The following LPIN1 variants were observed in gnomAD, a reference collection of about 807,000 sequenced individuals.
LPIN1 encodes lipin 1.
Under a neutral mutation model 107.5 loss-of-function variants are expected in LPIN1, and 71 were observed. That is an observed-to-expected ratio of 0.66 (90% CI 0.55 to 0.80). LPIN1 has a LOEUF of 0.80. Among genes scored for constraint, LPIN1 ranks in the 30% least tolerant of loss-of-function variants. The probability of loss-of-function intolerance (pLI) is 0.00; values close to 1 mark genes in which losing one functional copy is unlikely to be tolerated. For synonymous variants in LPIN1, 445 were observed against 452.6 expected (o/e 0.98, Z 0.21); for missense variants, 1,043 against 1,160.6 (o/e 0.90, Z 1.47).
At chr2:11,770,280 C>G (rs953353047) in intron 3 of LPIN1, among the ~76,000 whole-genome samples, 1 of 152,096 alleles carries the variant, frequency 6.6e-6, no homozygotes, top group South Asian at 2.1e-4. Flanking sequence ...TGGGGTGGGG[C>G]CTTGGAGGCC....
chr2:11,700,164 C>G (rs1662797086), intron 1 of LPIN1, among the ~76,000 whole-genome samples: 1 of 152,188 alleles, frequency 6.6e-6, no homozygotes, highest in African/African-American at 2.4e-5. Context: ...TCAGGTGTGA[C>G]TCAGGTTCTG....
chr2:11,717,490 C>A (rs1663827820), intron 2 of LPIN1, among the ~76,000 whole-genome samples: 1 of 148,956 alleles, frequency 6.7e-6, no homozygotes, highest in South Asian at 2.2e-4. Context: ...ACCTGCCCAT[C>A]CCCCCACCCT....
chr2:11,677,744 G>A (rs1438756494), intron 1 of LPIN1: 2 of 1,532,526 alleles, frequency 1.3e-6, no homozygotes, highest in South Asian at 2.4e-5. Context: ...GGCCGGCCAT[G>A]TGGCCATCTG....
At chr2:11,723,690 G>C (rs1455574317), upstream of LPIN1, 3 of 152,208 alleles carry the variant, frequency 2.0e-5, no homozygotes, top group Admixed American at 6.5e-5. Flanking sequence ...GGAGCACAGG[G>C]ATGTTCCTTG....
chr2:11,723,187 G>A (rs1469156223), upstream of LPIN1, among the ~76,000 whole-genome samples: 2 of 152,226 alleles, frequency 1.3e-5, no homozygotes, highest in Non-Finnish European at 2.9e-5. Context: ...AAGATCAAGA[G>A]AGTTGGCTTG....
chr2:11,799,417 A>G (rs776035153), intron 14 of LPIN1, among the ~76,000 whole-genome samples: 3 of 131,000 alleles, frequency 2.3e-5, no homozygotes, highest in South Asian at 2.3e-4. Context: ...TTCCCATTCA[A>G]TGAGGGGCCT....
At chr2:11,768,852 C>T (rs2099597) in intron 3 of LPIN1, among the ~76,000 whole-genome samples, 81,880 of 151,856 alleles carry the variant, frequency 0.54, 23,351 homozygotes, top group African/African-American at 0.72. Context: ...AGGAGAATGG[C>T]GTGAACCCGG....
intron 1 of LPIN1, among the ~76,000 whole-genome samples, chr2:11,753,073 C>T (rs369397482): frequency 1.3e-5 from 2 of 152,036 alleles, no homozygotes; most frequent in South Asian, 4.2e-4. Context: ...ATTATGGGAA[C>T]GCCCTCCTGT....
chr2:11,809,179 T>A (rs1679227973), intron 17 of LPIN1, among the ~76,000 whole-genome samples: 1 of 152,132 alleles, frequency 6.6e-6, no homozygotes, highest in Admixed American at 6.5e-5. Context: ...GCCTAAAAGA[T>A]CTAGATCATT....
intron 1 of LPIN1, among the ~76,000 whole-genome samples, chr2:11,688,478 A>C (rs1662116561): frequency 6.6e-6 from 1 of 152,132 alleles, no homozygotes; most frequent in Non-Finnish European, 1.5e-5. Flanking sequence ...TCCAGTTTCC[A>C]CGCCCTGCTG....
intron 1 of LPIN1, among the ~76,000 whole-genome samples, chr2:11,685,514 C>CCT (rs1661960068): frequency 6.6e-6 from 1 of 152,174 alleles, no homozygotes; most frequent in Non-Finnish European, 1.5e-5. Flanking sequence ...CGAATAAACT[C>CCT]TTTAGAATTT....
chr2:11,764,074 G>GTATA (rs1337586691), intron 1 of LPIN1: 25 of 75,698 alleles, frequency 3.3e-4, no homozygotes, highest in African/African-American at 1.4e-3. Context: ...GTGTGTGTGT[G>GTATA]TGTGTATATA....
At chr2:11,720,218 T>C, upstream of LPIN1, among the ~76,000 whole-genome samples, 1 of 152,260 alleles carries the variant, frequency 6.6e-6, no homozygotes, top group Admixed American at 6.5e-5. Flanking sequence ...TGATGATGAG[T>C]ATATTTTAAT....
chr2:11,819,223 G>A, intron 18 of LPIN1: 1 of 451,452 alleles, frequency 2.2e-6, no homozygotes, highest in Non-Finnish European at 4.0e-6. Flanking sequence ...TTTATGCTCT[G>A]TCATTCTTTG....
At chr2:11,742,338 TTTCCTATCTAAGG>T (rs961148858), upstream of LPIN1, among the ~76,000 whole-genome samples, 3 of 152,194 alleles carry the variant, frequency 2.0e-5, no homozygotes, top group African/African-American at 7.2e-5. Context: ...GGGCCTCAGT[TTTCCTATCTAAGG>T]AAGGGGGGAC....
chr2:11,815,937 C>G (rs774425443), intron 18 of LPIN1, among the ~76,000 whole-genome samples: 2 of 152,168 alleles, frequency 1.3e-5, no homozygotes, highest in Non-Finnish European at 2.9e-5. Context: ...GGGCAATTTA[C>G]TAGACACCTC....
At chr2:11,731,147 G>A (rs79970046) in intron 1 of LPIN1, among the ~76,000 whole-genome samples, 1 of 152,160 alleles carries the variant, frequency 6.6e-6, no homozygotes, top group East Asian at 1.9e-4. Flanking sequence ...TGCTGTGGTG[G>A]TTTGCTGTAC....
At chr2:11,748,656 G>C (rs1045700925) in intron 1 of LPIN1, among the ~76,000 whole-genome samples, 6 of 152,172 alleles carry the variant, frequency 3.9e-5, no homozygotes, top group African/African-American at 1.4e-4. Context: ...AATCATCCCT[G>C]TGGGACACCC....
At chr2:11,678,893 C>T (rs186527773) in intron 1 of LPIN1, among the ~76,000 whole-genome samples, 2 of 152,380 alleles carry the variant, frequency 1.3e-5, no homozygotes, top group East Asian at 3.9e-4. Flanking sequence ...GCAGGACCTT[C>T]TCTCGGGAGC....
Sources: gnomAD v4.1 joint callset for allele counts (sites outside exome capture counted in the v4.1 genomes callset) on GRCh38, gnomAD v4.1.1 for gene constraint, MANE v1.5 for transcripts, NCBI Gene and HGNC (gene_info 2026-07-23, HGNC 2026-07-21) for gene names.